PLCB1: variants seen among roughly 807,000 people sequenced by gnomAD.
PLCB1 encodes phospholipase C beta 1.
Under a neutral mutation model 161.8 loss-of-function variants are expected in PLCB1, and 46 were observed. That is an observed-to-expected ratio of 0.28 (90% CI 0.22 to 0.36). PLCB1 has a LOEUF of 0.36. Among genes scored for constraint, PLCB1 ranks in the 10% least tolerant of loss-of-function variants. PLCB1 has a pLI of 1.00. For missense variants in PLCB1, 1,016 were observed against 1,472.5 expected (o/e 0.69, Z 5.07); for synonymous variants, 517 against 503.7 (o/e 1.03, Z -0.35).
intron 31 of PLCB1, among the ~76,000 whole-genome samples, chr20:8,809,525 C>T (rs1369081516): frequency 2.6e-5 from 4 of 151,908 alleles, no homozygotes; most frequent in Admixed American, 2.6e-4. Context: ...TGAAAATCAA[C>T]AATCTCTAAA....
chr20:8,378,925 C>T (rs886547988), intron 3 of PLCB1, among the ~76,000 whole-genome samples: 7 of 152,050 alleles, frequency 4.6e-5, no homozygotes, highest in Admixed American at 1.3e-4. Flanking sequence ...AAAAGTAACC[C>T]CTTGTCTGTT....
chr20:8,334,221 G>A (rs1985480111), intron 2 of PLCB1, among the ~76,000 whole-genome samples: 1 of 150,390 alleles, frequency 6.6e-6, no homozygotes, highest in African/African-American at 2.4e-5. Flanking sequence ...AAAAAAAAAA[G>A]AAAGAAAAGA....
chr20:8,236,270 C>A (rs1165262522), intron 2 of PLCB1, among the ~76,000 whole-genome samples: 7 of 152,106 alleles, frequency 4.6e-5, no homozygotes, highest in African/African-American at 7.2e-5. Flanking sequence ...GTGACTCACA[C>A]TTGTAATCCC....
chr20:8,155,876 C>A (rs1236256784), intron 2 of PLCB1, among the ~76,000 whole-genome samples: 4 of 152,196 alleles, frequency 2.6e-5, no homozygotes, highest in East Asian at 3.9e-4. Context: ...GGGAAAAAAA[C>A]CAGCAAAATT....
Position 8,480,477 on chromosome 20 carries a change from A to T in PLCB1, c.246+109027A>T, listed in dbSNP as rs1164915730. Among the ~76,000 whole-genome samples, 2 of 152,140 alleles carry T rather than the reference A, an allele frequency of 1.3e-5. 1 individual carries two copies. Among genetic ancestry groups the T allele is most frequent in the African/African-American group, 4.8e-5 (2 of 41,440 alleles). On this transcript the variant is annotated intron_variant, in intron 3 of 31. Coordinates refer to ENST00000338037, the MANE Select transcript of PLCB1 (RefSeq NM_015192.4). ...AGAAAGGCATATTTATACCTGAATA[A>T]GTTCTCTCCAATCTGCCTGCAATTT...
chr20:8,799,392 C>G (rs1984180866), intron 31 of PLCB1, among the ~76,000 whole-genome samples: 1 of 152,188 alleles, frequency 6.6e-6, no homozygotes, highest in Non-Finnish European at 1.5e-5. Context: ...AAAGTCCACA[C>G]AACCACGGAT....
At chr20:8,513,096 T>A (rs539717939) in intron 3 of PLCB1, among the ~76,000 whole-genome samples, 35 of 152,356 alleles carry the variant, frequency 2.3e-4, no homozygotes, top group Middle Eastern at 3.4e-3. Context: ...TTCATTTTTT[T>A]AAAATGTTTA....
chr20:8,729,158 T>G lies in PLCB1; in HGVS notation c.1872T>G (p.Leu624=). 5 of 1,611,816 alleles carry G rather than the reference T, an allele frequency of 3.1e-6. No homozygotes were observed. The highest frequency in any genetic ancestry group is 4.2e-6 in the Non-Finnish European group (5 of 1,178,556). ...FWNAGCQMVA[L]NFQTMDLAMQ... ...ATGCAGGTTGTCAGATGGTGGCACT[T>G]AATTTCCAGACAATGGGTAAGTACA... is the stretch of plus-strand genomic sequence containing the variant. Residue 624 remains leucine (L), a synonymous_variant, in exon 18 of 32, where the codon CTT becomes CTG. Coordinates refer to ENST00000338037, the MANE Select transcript of PLCB1 (RefSeq NM_015192.4).
chr20:8,868,152 T>G (rs1482267444), intron 31 of PLCB1, among the ~76,000 whole-genome samples: 2 of 152,194 alleles, frequency 1.3e-5, no homozygotes, highest in African/African-American at 4.8e-5. Flanking sequence ...CTGATTAAAT[T>G]AGACTGTACT....
intron 3 of PLCB1, among the ~76,000 whole-genome samples, chr20:8,567,285 G>A (rs545210561): frequency 2.0e-5 from 3 of 152,236 alleles, no homozygotes; most frequent in South Asian, 2.1e-4. Context: ...TAAAAGCGGA[G>A]GGGTGCTAAA....
chr20:8,244,770 A>G (rs1424841921), intron 2 of PLCB1, among the ~76,000 whole-genome samples: 1 of 151,900 alleles, frequency 6.6e-6, no homozygotes, highest in Non-Finnish European at 1.5e-5. Flanking sequence ...TTCACAACAC[A>G]TTATTTTCTC....
At chr20:8,486,256 C>A (rs1982716458) in intron 3 of PLCB1, among the ~76,000 whole-genome samples, 1 of 152,084 alleles carries the variant, frequency 6.6e-6, no homozygotes, top group Non-Finnish European at 1.5e-5. Flanking sequence ...CACTGAGATA[C>A]AAGGGGATAA....
At chr20:8,195,134 T>G (rs1024775245) in intron 2 of PLCB1, among the ~76,000 whole-genome samples, 4 of 152,068 alleles carry the variant, frequency 2.6e-5, no homozygotes, top group Non-Finnish European at 5.9e-5. Context: ...TTTTACATCT[T>G]TTTTTGCATT....
intron 3 of PLCB1, among the ~76,000 whole-genome samples, chr20:8,499,962 G>T (rs1983336176): frequency 6.6e-6 from 1 of 152,056 alleles, no homozygotes. Context: ...CTACTTTTTA[G>T]AAACAACCAG....
At chr20:8,661,367 T>A (rs1264712651) in intron 9 of PLCB1, among the ~76,000 whole-genome samples, 1 of 152,252 alleles carries the variant, frequency 6.6e-6, no homozygotes, top group East Asian at 1.9e-4. Context: ...AAGCCTTATC[T>A]AGCACGTGGG....
chr20:8,619,592 C>T (rs2123192985), intron 3 of PLCB1, among the ~76,000 whole-genome samples: 1 of 152,204 alleles, frequency 6.6e-6, no homozygotes, highest in South Asian at 2.1e-4. Flanking sequence ...TTGATCACCA[C>T]ACTAATGATA....
chr20:8,361,302 G>A (rs1986534196), intron 2 of PLCB1, among the ~76,000 whole-genome samples: 1 of 152,078 alleles, frequency 6.6e-6, no homozygotes, highest in South Asian at 2.1e-4. Flanking sequence ...TTCTGATGCA[G>A]CTACTTTATA....
intron 3 of PLCB1, among the ~76,000 whole-genome samples, chr20:8,584,730 A>G (rs1434169626): frequency 6.6e-6 from 1 of 151,786 alleles, no homozygotes; most frequent in Non-Finnish European, 1.5e-5. Flanking sequence ...TCGCTCCGTC[A>G]CCCAGGCTGG....
At chr20:8,580,298 A>C (rs1177846996) in intron 3 of PLCB1, among the ~76,000 whole-genome samples, 1 of 152,236 alleles carries the variant, frequency 6.6e-6, no homozygotes, top group Non-Finnish European at 1.5e-5. Context: ...ATAATATATT[A>C]CTGTTCTTAG....
Sources: allele counts gnomAD v4.1 joint callset (sites outside exome capture counted in the v4.1 genomes callset), GRCh38; gene constraint gnomAD v4.1.1; transcripts MANE v1.5; gene names NCBI Gene and HGNC (gene_info 2026-07-23, HGNC 2026-07-21).